RGS5: variants seen among roughly 807,000 people sequenced by gnomAD.
RGS5 encodes regulator of G-protein signalling 5.
Under a neutral mutation model 18.9 loss-of-function variants are expected in RGS5, and 20 were observed. The observed-to-expected ratio is 1.06, with a 90% confidence interval of 0.74 to 1.54. The LOEUF is 1.54. RGS5 is among the 40% of genes most tolerant of loss of function. The pLI is 0.00. For synonymous variants in RGS5, 57 were observed against 76.2 expected, an observed-to-expected ratio of 0.75 and a Z score of 1.31; for missense variants, 201 against 211.8, an observed-to-expected ratio of 0.95 and a Z score of 0.32.
chr1:163,160,698 A>T (rs887450446), intron 3 of RGS5, among the ~76,000 whole-genome samples: 1 of 152,230 alleles, frequency 6.6e-6, no homozygotes, highest in Non-Finnish European at 1.5e-5. Context: ...ATTCTTTGTC[A>T]TCTACTCTGT....
intron 2 of RGS5, among the ~76,000 whole-genome samples, chr1:163,276,859 T>G (rs904665708): frequency 6.6e-6 from 1 of 152,220 alleles, no homozygotes; most frequent in African/African-American, 2.4e-5. Flanking sequence ...TCCAGCCTTT[T>G]GAACCTACCC....
chr1:163,225,104 T>C (rs1268464336), intron 2 of RGS5, among the ~76,000 whole-genome samples: 1 of 152,214 alleles, frequency 6.6e-6, no homozygotes, highest in Non-Finnish European at 1.5e-5. Context: ...ATCCTTGCTT[T>C]GATCAAATAA....
chr1:163,228,155 G>T (rs1288091006), intron 2 of RGS5, among the ~76,000 whole-genome samples: 2 of 152,204 alleles, frequency 1.3e-5, no homozygotes, highest in South Asian at 4.1e-4. Flanking sequence ...CAGTCCCCCT[G>T]TGGGACTCTG....
exon 1 of RGS5, chr1:163,217,542 G>A: frequency 1.3e-6 from 2 of 1,544,796 alleles, no homozygotes; most frequent in Non-Finnish European, 1.7e-6. Flanking sequence ...ATGCCAATGA[G>A]CACTGTGCAT....
intron 2 of RGS5, among the ~76,000 whole-genome samples, chr1:163,243,312 G>A (rs1302533551): frequency 6.6e-6 from 1 of 152,050 alleles, no homozygotes; most frequent in Non-Finnish European, 1.5e-5. Context: ...TAAAGGGGAG[G>A]GAGAGCATTA....
intron 2 of RGS5, among the ~76,000 whole-genome samples, chr1:163,228,543 G>A (rs1327856939): frequency 6.6e-6 from 1 of 152,208 alleles, no homozygotes; most frequent in African/African-American, 2.4e-5. Flanking sequence ...GTGATGGAAG[G>A]GGCTGCTGTG....
chr1:163,247,236 A>G (rs1160373132), intron 2 of RGS5, among the ~76,000 whole-genome samples: 1 of 152,236 alleles, frequency 6.6e-6, no homozygotes, highest in Non-Finnish European at 1.5e-5. Context: ...AACCTAAAAT[A>G]AAAGCTGGAA....
intron 1 of RGS5, among the ~76,000 whole-genome samples, chr1:163,182,447 C>T (rs944794851): frequency 1.3e-5 from 2 of 152,182 alleles, no homozygotes; most frequent in African/African-American, 4.8e-5. Flanking sequence ...GTACTGGCCA[C>T]TCCCTACTCA....
At chr1:163,172,565 T>G in intron 1 of RGS5, 1 of 1,549,858 alleles carries the variant, frequency 6.5e-7, no homozygotes, top group Non-Finnish European at 8.7e-7. Context: ...TACCAGAACA[T>G]CAGGTTACTC....
In RGS5 at chr1:163,213,712, C is replaced by T. The variant is rs78009077; in HGVS notation, c.69+3814G>A. Among the ~76,000 whole-genome samples, 909 of 152,286 alleles carry T rather than the reference C, an allele frequency of 6.0e-3. 9 individuals are homozygous for T. Among genetic ancestry groups the T allele is most frequent in the African/African-American group, 0.021 (856 of 41,560 alleles). On this transcript the variant is annotated intron_variant, in intron 1 of 5. Coordinates refer to the RGS5 transcript ENST00000367903. ...TTCTCCCTCCTGGTTTTTCCTCCTA[C>T]GCTCCAAGAACTTCAACTGCAGGAT...
chr1:163,312,295 C>G (rs1203115102), intron 1 of RGS5, among the ~76,000 whole-genome samples: 1 of 152,218 alleles, frequency 6.6e-6, no homozygotes, highest in Non-Finnish European at 1.5e-5. Context: ...TGCGAGTCAA[C>G]TAAACTGCTT....
At chr1:163,149,051 T>A (rs140531102) in intron 4 of RGS5, among the ~76,000 whole-genome samples, 1 of 152,226 alleles carries the variant, frequency 6.6e-6, no homozygotes, top group East Asian at 1.9e-4. Context: ...ACAGCAGGAC[T>A]GAGCTGTGCT....
chr1:163,245,146 T>C (rs761325790), intron 2 of RGS5: 24 of 152,190 alleles, frequency 1.6e-4, no homozygotes, highest in Non-Finnish European at 3.5e-4. Flanking sequence ...CACCAGAATA[T>C]TCATAGCTTT....
intron 2 of RGS5, among the ~76,000 whole-genome samples, chr1:163,264,190 C>T (rs992422391): frequency 6.6e-6 from 1 of 151,972 alleles, no homozygotes; most frequent in African/African-American, 2.4e-5. Context: ...TAAATGTGTG[C>T]CCCAAGGGGT....
In RGS5 at chr1:163,148,899, G is replaced by A. The variant is rs151301560; in HGVS notation, c.385-1396C>T. ...GCCTATGGTTGTGAATTGAAACACT[G>A]ATAAAGGTTTTGGGTCTCTCCTGGG... is the stretch of plus-strand genomic sequence containing the variant. On this transcript the variant is annotated intron_variant, in intron 4 of 4. Transcript: ENST00000313961. Among the ~76,000 whole-genome samples, 330 of 152,318 alleles carry A rather than the reference G, an allele frequency of 2.2e-3. 16 individuals are homozygous for A. The East Asian group carries it at 0.046, about 21-fold the overall frequency.
chr1:163,190,605 AAC>A (rs1318473662), intron 1 of RGS5, among the ~76,000 whole-genome samples: 5 of 151,992 alleles, frequency 3.3e-5, no homozygotes, highest in Non-Finnish European at 5.9e-5. Context: ...ATACCCTATA[AAC>A]AGTGCTCGAC....
intron 2 of RGS5, among the ~76,000 whole-genome samples, chr1:163,234,549 TC>T (rs1647570940): frequency 6.6e-6 from 1 of 152,210 alleles, no homozygotes; most frequent in Non-Finnish European, 1.5e-5. Flanking sequence ...AAGTGTTCCT[TC>T]CTCTTTTATT....
chr1:163,219,684 T>C (rs898064044), upstream of RGS5, among the ~76,000 whole-genome samples: 19 of 152,244 alleles, frequency 1.2e-4, no homozygotes, highest in Middle Eastern at 3.4e-3. Flanking sequence ...ATGCTATAGA[T>C]ATAACAAAAT....
chr1:163,297,560 A>T (rs1553698), intron 2 of RGS5, among the ~76,000 whole-genome samples: 22,207 of 152,096 alleles, frequency 0.15, 1,933 homozygotes, highest in Non-Finnish European at 0.19. Flanking sequence ...CTTTCCCTAC[A>T]TCCTTCTTTC....
Sources: allele counts gnomAD v4.1 joint callset (sites outside exome capture counted in the v4.1 genomes callset), GRCh38; gene constraint gnomAD v4.1.1; transcripts MANE v1.5; gene names NCBI Gene and HGNC (gene_info 2026-07-23, HGNC 2026-07-21).